FKBP15: variants seen among roughly 807,000 people sequenced by gnomAD.
FKBP15 encodes FK506-binding protein 15.
Under a neutral mutation model 158.1 loss-of-function variants are expected in FKBP15, and 106 were observed. That is an observed-to-expected ratio of 0.67 (90% CI 0.57 to 0.79). The LOEUF is 0.79. FKBP15 is among the 30% of genes least tolerant of loss of function. The pLI, the probability that FKBP15 is intolerant of heterozygous loss-of-function variation, is 0.00. For synonymous variants in FKBP15, 547 were observed against 548.6 expected, an observed-to-expected ratio of 1.00 and a Z score of 0.04; for missense variants, 1,287 against 1,479.1, an observed-to-expected ratio of 0.87 and a Z score of 2.13.
At chr9:113,194,271 T>C in intron 9 of FKBP15, 102 bp from the exon 10 acceptor site, 11 of 919,400 alleles carry the variant, frequency 1.2e-5, no homozygotes, top group Non-Finnish European at 1.8e-5. Context: ...TGTTGTCGGG[T>C]GGGGGTAGAG....
intron 22 of FKBP15, 66 bp downstream of exon 22, chr9:113,174,362 G>A: frequency 7.2e-6 from 11 of 1,538,202 alleles, no homozygotes; most frequent in Non-Finnish European, 9.7e-6. Flanking sequence ...GAAGAAACCA[G>A]AAGCTTTTCT....
chr9:113,174,777 C>T (rs1830273185), intron 21 of FKBP15, among the ~76,000 whole-genome samples, 194 bp from the exon 22 acceptor site: 1 of 152,150 alleles, frequency 6.6e-6, no homozygotes, highest in African/African-American at 2.4e-5. Flanking sequence ...AGAAGGAAAA[C>T]AAGAAGAGCT....
Position 113,184,625 on chromosome 9 carries a change from T to C in FKBP15, c.1608+70A>G. On this transcript the variant is annotated intron_variant, in intron 16 of 27. Transcript: ENST00000238256. The surrounding 1 kb of genome is among the most constrained non-coding windows in gnomAD (Gnocchi z 4.5). ...CAATGCAGGAAATCAAAGAAGAGTT[T>C]ACCTACAGTTCTGGCTGCTCCCTGT... is the stretch of plus-strand genomic sequence containing the variant. 8.0e-7 allele frequency: 1 copy of C among 1,245,632 alleles called. No homozygotes were observed. Among genetic ancestry groups the C allele is most frequent in the Non-Finnish European group, 1.2e-6 (1 of 867,246 alleles). 77.2% of individuals were successfully genotyped at this position (1,245,632 alleles called of 1,614,324 possible). A position where few individuals can be genotyped will look rare whatever the true frequency, so the allele number is the denominator to read the frequency against.
intron 1 of FKBP15, among the ~76,000 whole-genome samples, chr9:113,212,578 C>G (rs761542891): frequency 6.6e-6 from 1 of 152,140 alleles, no homozygotes; most frequent in Non-Finnish European, 1.5e-5. Flanking sequence ...TTAACTTGTT[C>G]TTCTTCAAAT....
At chr9:113,214,783 G>T (rs970677402) in intron 1 of FKBP15, among the ~76,000 whole-genome samples, 1 of 152,206 alleles carries the variant, frequency 6.6e-6, no homozygotes, top group Non-Finnish European at 1.5e-5. Context: ...CCGTTGTTTG[G>T]TGTAGCCACC....
chr9:113,178,640 T>C lies in FKBP15; in HGVS notation c.2076A>G (p.Ala692=). 1.2e-6 allele frequency: 2 copies of C among 1,609,362 alleles called. No homozygotes were observed. The highest frequency in any genetic ancestry group is 1.7e-6 in the Non-Finnish European group (2 of 1,178,254). The change falls in exon 20 of 28, where the codon GCA becomes GCG. Residue 692 remains alanine, a synonymous_variant. Transcript: ENST00000238256. ...LLRGQLTKVQ[A]KLSELQETSE... ...CCACCTAGCACATACCTGAGAGCTT[T>C]GCCTGCACTTTGGTGAGCTGGCCCC...
chr9:113,186,536 T>A (rs777700847), intron 14 of FKBP15, 173 bp from the exon 15 acceptor site: 6 of 588,160 alleles, frequency 1.0e-5, no homozygotes, highest in Middle Eastern at 3.8e-4. Context: ...AGCAGGAGAG[T>A]TATCTATGTA....
chr9:113,194,437 ATAAT>A (rs1267430561), intron 9 of FKBP15, among the ~76,000 whole-genome samples: 4 of 135,110 alleles, frequency 3.0e-5, no homozygotes, highest in Non-Finnish European at 4.8e-5. Context: ...AAATAAATAA[ATAAT>A]AAATAAATTA....
chr9:113,186,184 A>AGGAGCAAGAAGAGGGAAAGC (rs1830481794), intron 15 of FKBP15, 65 bp downstream of exon 15: 1 of 1,126,772 alleles, frequency 8.9e-7, no homozygotes, highest in African/African-American at 1.5e-5. Context: ...AAAATGAAGG[A>AGGAGCAAGAAGAGGGAAAGC]GGAGCAAGAA....
chr9:113,198,736 G>C lies in FKBP15; in HGVS notation c.717+119C>G. 1.4e-6 allele frequency: 1 copy of C among 739,960 alleles called. No individual in the cohort carries two copies. The highest frequency in any genetic ancestry group is 2.9e-5 in the East Asian group (1 of 34,538). 45.8% of individuals were successfully genotyped at this position (739,960 alleles called of 1,614,324 possible). On this transcript the variant is annotated intron_variant, in intron 8 of 27. Transcript: ENST00000238256. The surrounding 1 kb of genome is among the most constrained non-coding windows in gnomAD (Gnocchi z 5.2). ...CATTGCACTCCAGCTTGAACAACAA[G>C]AGCGAAACTCCGTCTCAAAAAATAA...
chr9:113,209,063 CTTTA>C (rs1168938312), intron 2 of FKBP15, among the ~76,000 whole-genome samples: 1 of 149,670 alleles, frequency 6.7e-6, no homozygotes, highest in African/African-American at 2.5e-5. Flanking sequence ...TGTATTGCTA[CTTTA>C]TTTATTTGTA....
chr9:113,195,591 G>A (rs1031951691), intron 9 of FKBP15, among the ~76,000 whole-genome samples: 1 of 152,190 alleles, frequency 6.6e-6, no homozygotes, highest in African/African-American at 2.4e-5. Context: ...GCGTCACTGA[G>A]AAGGGAAGCA....
intron 14 of FKBP15, 113 bp from the exon 15 acceptor site, chr9:113,186,476 C>A (rs151021926): frequency 3.0e-5 from 23 of 759,856 alleles, no homozygotes; most frequent in Non-Finnish European, 4.7e-5. Flanking sequence ...CTCAAACTTA[C>A]TGAAGCTAGA....
In FKBP15 at chr9:113,174,365, G is replaced by A. The variant is rs558787627; in HGVS notation, c.2379+63C>T. 16 of 1,541,462 alleles carry A rather than the reference G, an allele frequency of 1.0e-5. No individual in the cohort carries two copies. The East Asian group carries it at 2.7e-4, about 26-fold the overall frequency. On this transcript the variant is annotated intron_variant, in intron 22 of 27. Coordinates refer to ENST00000238256, the MANE Select transcript of FKBP15 (RefSeq NM_015258.2). ...CTAAAGGGTAAGGAAGAAACCAGAA[G>A]CTTTTCTCTCTGAGTCCTTCACACC...
At position 113,211,496 on chromosome 9, in the gene FKBP15, G is replaced by A. The variant is rs573967941; in HGVS notation, c.150C>T (p.Gly50=). Residue 50 remains glycine (G), a synonymous_variant, in exon 2 of 28, where the codon GGC becomes GGT. Transcript: ENST00000238256. Reference sequence around the variant, plus strand: ...ACTTACCTGTTGCTGCCGTTCCCTGGCCTTTCTTAGGCTGTTTTGGGGCTG... The same window carrying A: ...ACTTACCTGTTGCTGCCGTTCCCTGACCTTTCTTAGGCTGTTTTGGGGCTG... ...QYTAPKQPKK[G]QGTAATGNQA... The A allele has an allele frequency of 2.9e-5, 47 of 1,608,154 alleles. No homozygotes were observed. The South Asian group carries it at 4.9e-4, about 17-fold the overall frequency.
intron 12 of FKBP15, among the ~76,000 whole-genome samples, chr9:113,189,102 C>T (rs894917887): frequency 6.6e-6 from 1 of 152,156 alleles, no homozygotes; most frequent in Non-Finnish European, 1.5e-5. Context: ...ATATAAGAAA[C>T]AGAAAATCTT....
chr9:113,207,426 A>T, intron 2 of FKBP15, 130 bp from the exon 3 acceptor site: 1 of 598,582 alleles, frequency 1.7e-6, no homozygotes, highest in Non-Finnish European at 3.0e-6. Context: ...TGCAACCTCC[A>T]CCTCCCGGGT....
Position 113,164,671 on chromosome 9 carries a change from G to T in FKBP15, c.*1407C>A, listed in dbSNP as rs1354943327. 1 of 152,216 alleles carries T rather than the reference G, an allele frequency of 6.6e-6. No individual in the cohort carries two copies. The highest frequency in any genetic ancestry group is 2.4e-5 in the African/African-American group (1 of 41,452). The allele number at this position is 152,216 out of a possible 1,614,324, so 9.4% of individuals were successfully genotyped here. A position where few individuals can be genotyped will look rare whatever the true frequency, so the allele number is the denominator to read the frequency against. On this transcript the variant is annotated 3_prime_UTR_variant, in exon 28 of 28. Transcript: ENST00000238256. ...CCTTCCCCCAACCAGTGACAGTCAG[G>T]CTGTGCTGGCCAAGAGCCCAGGCTC...
In FKBP15 at chr9:113,183,211, A is replaced by G. The variant is rs777998693; in HGVS notation, c.1812-343T>C. ...CCCCCAGCTCTGTCATGTGGGAGAC[A>G]AGAGACAGTGGAGAAGAGAAATATG... On this transcript the variant is annotated intron_variant, in intron 18 of 27. Transcript: ENST00000238256. 4.3e-4 allele frequency among the ~76,000 whole-genome samples: 66 copies of G among 152,200 alleles called. 1 individual carries two copies. Among genetic ancestry groups the G allele is most frequent in the Admixed American group, 2.6e-4 (4 of 15,274 alleles).
Sources: allele counts gnomAD v4.1 joint callset (sites outside exome capture counted in the v4.1 genomes callset), GRCh38; gene constraint gnomAD v4.1.1; non-coding constraint Gnocchi (gnomAD v3.1); transcripts MANE v1.5; gene names NCBI Gene and HGNC (gene_info 2026-07-23, HGNC 2026-07-21).